TACC1: variants seen among roughly 807,000 people sequenced by gnomAD.
TACC1 encodes transforming acidic coiled-coil-containing protein 1.
In TACC1, 48 loss-of-function variants were observed where a neutral mutation model predicts 84.4. The observed-to-expected ratio is 0.57, with a 90% CI of 0.45 to 0.72. The LOEUF (loss-of-function observed/expected upper bound fraction) is 0.72, where lower values mean the gene tolerates loss of function less well. Ranked by LOEUF, TACC1 falls within the 30% of genes least tolerant of loss-of-function variation. The probability of loss-of-function intolerance (pLI) is 0.00; values close to 1 mark genes in which losing one functional copy is unlikely to be tolerated. For missense variants in TACC1, 920 were observed against 973.0 expected (o/e 0.95, Z 0.72); for synonymous variants, 372 against 376.3 (o/e 0.99, Z 0.13).
chr8:38,842,470 C>A, intron 10 of TACC1, 23 bp downstream of exon 10: 1 of 1,589,832 alleles, frequency 6.3e-7, no homozygotes. Context: ...TTCCCTCTGT[C>A]TCCTGGTGTA....
intron 3 of TACC1, among the ~76,000 whole-genome samples, chr8:38,752,931 A>G (rs749589696): frequency 5.3e-5 from 8 of 152,248 alleles, no homozygotes; most frequent in Non-Finnish European, 1.0e-4. Flanking sequence ...GGGACAGACA[A>G]CAGCAGGGTT....
At chr8:38,789,004 A>G (rs1259801052) in intron 2 of TACC1, among the ~76,000 whole-genome samples, 185 bp downstream of exon 2, 2 of 152,196 alleles carry the variant, frequency 1.3e-5, no homozygotes, top group African/African-American at 2.4e-5. Context: ...TCCTCTGAGT[A>G]GAGTTTGTGC....
rs777403560 is a variant in TACC1, at chr8:38,820,104, C to T, written c.860C>T (p.Ser287Phe). Residue 287 changes from serine to phenylalanine, a missense_variant, in exon 3 of 13, where the codon TCT becomes TTT. Physicochemically the swap from Ser to Phe is radical, Grantham distance 155 (BLOSUM62 -2). This residue lies in a region of TACC1 where 762 missense variants were observed against 747.3 expected (regional missense o/e 1.02). Transcript: ENST00000317827. ...CTAGGAGATGCCAGGTTCCAGAAGT[C>T]TCCCCCTGACCTTAAAGAAACTCCC... ...PLLGDARFQK[S>F]PPDLKETPGT... 62 of 1,614,038 alleles carry T rather than the reference C, an allele frequency of 3.8e-5. No individual in the cohort carries two copies. The Admixed American group carries it at 9.3e-4, about 24-fold the overall frequency.
At chr8:38,813,714 T>C (rs1005537637) in intron 2 of TACC1, among the ~76,000 whole-genome samples, 1 of 152,230 alleles carries the variant, frequency 6.6e-6, no homozygotes, top group Non-Finnish European at 1.5e-5. Context: ...AGACATTGCA[T>C]AGGACATGGT....
At chr8:38,784,009 T>C (rs1032524379), upstream of TACC1, among the ~76,000 whole-genome samples, 10 of 152,196 alleles carry the variant, frequency 6.6e-5, no homozygotes, top group African/African-American at 2.4e-4. Context: ...TGCCCTTGCC[T>C]GGTTAGACTG....
intron 1 of TACC1, among the ~76,000 whole-genome samples, chr8:38,738,154 A>G (rs1366881199): frequency 6.6e-6 from 1 of 152,040 alleles, no homozygotes; most frequent in Admixed American, 6.5e-5. Flanking sequence ...TAATCCCAAC[A>G]CTTTGGGAGG....
At chr8:38,743,439 A>G (rs747167130) in intron 2 of TACC1, among the ~76,000 whole-genome samples, 1 of 152,142 alleles carries the variant, frequency 6.6e-6, no homozygotes, top group African/African-American at 2.4e-5. Flanking sequence ...GTTGGGGGGC[A>G]GTTTTATAGA....
chr8:38,798,574 G>C (rs1231867029), intron 2 of TACC1, among the ~76,000 whole-genome samples: 2 of 151,100 alleles, frequency 1.3e-5, no homozygotes, highest in Non-Finnish European at 2.9e-5. Flanking sequence ...TTAGGAAGGG[G>C]TTTAAACAGG....
exon 2 of TACC1, chr8:38,742,406 C>T (rs1331999090): frequency 1.3e-6 from 2 of 1,517,898 alleles, no homozygotes; most frequent in Non-Finnish European, 1.8e-6. Flanking sequence ...GGCATGTTTA[C>T]TCTTCCAAGT....
At chr8:38,836,597 C>T (rs1247667315) in intron 7 of TACC1, among the ~76,000 whole-genome samples, 1 of 152,162 alleles carries the variant, frequency 6.6e-6, no homozygotes, top group Admixed American at 6.5e-5. Flanking sequence ...TAAATCAGTG[C>T]TTTTATTTTA....
At chr8:38,750,204 G>A (rs1039303794) in intron 3 of TACC1, among the ~76,000 whole-genome samples, 1 of 152,010 alleles carries the variant, frequency 6.6e-6, no homozygotes, top group Non-Finnish European at 1.5e-5. Flanking sequence ...AAAGGAAGAA[G>A]GTGAAAACAA....
chr8:38,762,415 T>G (rs769158173), intron 3 of TACC1, among the ~76,000 whole-genome samples: 2 of 152,236 alleles, frequency 1.3e-5, no homozygotes, highest in African/African-American at 2.4e-5. Context: ...CTTAGCATAA[T>G]GTCCTCAAGG....
intron 3 of TACC1, chr8:38,757,546 C>T (rs1214770934): frequency 1.8e-6 from 2 of 1,092,802 alleles, no homozygotes; most frequent in African/African-American, 1.7e-5. Context: ...GAGCGCTCGG[C>T]AGCGGGGCAC....
At chr8:38,843,061 G>GA (rs1231567406) in intron 10 of TACC1, among the ~76,000 whole-genome samples, 3 of 152,160 alleles carry the variant, frequency 2.0e-5, no homozygotes, top group Non-Finnish European at 2.9e-5. Context: ...AGGCATATTG[G>GA]TATAACTGAC....
intron 2 of TACC1, among the ~76,000 whole-genome samples, chr8:38,800,875 G>A (rs1349800731): frequency 1.3e-5 from 2 of 152,148 alleles, no homozygotes; most frequent in Admixed American, 6.5e-5. Flanking sequence ...TAGTATTTGA[G>A]CGTTTCAATT....
intron 2 of TACC1, among the ~76,000 whole-genome samples, chr8:38,812,032 T>C (rs778316650): frequency 2.0e-5 from 3 of 152,156 alleles, no homozygotes; most frequent in Non-Finnish European, 4.4e-5. Flanking sequence ...AGATAAGGAC[T>C]GAAATACGCT....
intron 11 of TACC1, among the ~76,000 whole-genome samples, chr8:38,845,730 G>A (rs753271637): frequency 2.0e-5 from 3 of 152,220 alleles, no homozygotes; most frequent in Non-Finnish European, 4.4e-5. Flanking sequence ...GCATTGCTGC[G>A]TTGGAGGGCA....
chr8:38,797,843 G>A (rs1441569253), intron 2 of TACC1, among the ~76,000 whole-genome samples: 2 of 152,232 alleles, frequency 1.3e-5, no homozygotes, highest in African/African-American at 4.8e-5. Flanking sequence ...AGAATAGGTT[G>A]GGGATGGGGG....
chr8:38,801,024 G>A (rs1821234845), intron 2 of TACC1, among the ~76,000 whole-genome samples: 1 of 152,166 alleles, frequency 6.6e-6, no homozygotes, highest in Non-Finnish European at 1.5e-5. Context: ...AACTTTTCAT[G>A]TAGCTATTGG....
Sources: allele counts gnomAD v4.1 joint callset (sites outside exome capture counted in the v4.1 genomes callset), GRCh38; gene constraint gnomAD v4.1.1; regional missense constraint gnomAD v4.1.1; transcripts MANE v1.5; gene names NCBI Gene and HGNC (gene_info 2026-07-23, HGNC 2026-07-21).